ZNF385D: variants seen among roughly 807,000 people sequenced by gnomAD.
ZNF385D encodes zinc finger protein 659.
ZNF385D carries 15 observed loss-of-function variants against 35.8 expected under a neutral mutation model. That is an observed-to-expected ratio of 0.42 (90% CI 0.28 to 0.64). ZNF385D has a LOEUF of 0.64. ZNF385D is among the 30% of genes least tolerant of loss of function. The pLI is 0.23. For synonymous variants in ZNF385D, 212 were observed against 186.8 expected (o/e 1.13, Z -1.10); for missense variants, 474 against 494.6 (o/e 0.96, Z 0.39).
At chr3:21,458,215 G>A (rs996989569) in intron 4 of ZNF385D, among the ~76,000 whole-genome samples, 8 of 151,374 alleles carry the variant, frequency 5.3e-5, no homozygotes, top group East Asian at 2.0e-4. Flanking sequence ...GCTCATACCT[G>A]TAATCCTAGC....
intron 2 of ZNF385D, among the ~76,000 whole-genome samples, chr3:21,600,164 A>T (rs1417837276): frequency 1.3e-5 from 2 of 152,210 alleles, no homozygotes; most frequent in African/African-American, 4.8e-5. Context: ...TGTTTAGCAT[A>T]ATAAAGAAAT....
At chr3:21,474,119 T>A (rs13095133) in intron 4 of ZNF385D, among the ~76,000 whole-genome samples, 1 of 1,080 alleles carries the variant, frequency 9.3e-4, no homozygotes, top group Non-Finnish European at 1.4e-3. Context: ...TGGAACAAAT[T>A]TTTTTTTAAT....
chr3:22,040,095 T>C (rs1028335218), intron 3 of ZNF385D, among the ~76,000 whole-genome samples: 1 of 152,170 alleles, frequency 6.6e-6, no homozygotes, highest in African/African-American at 2.4e-5. Flanking sequence ...AACTCTCCTC[T>C]TCTTGAGTTT....
At chr3:21,757,693 T>C (rs1011411777) in intron 3 of ZNF385D, among the ~76,000 whole-genome samples, 1 of 152,214 alleles carries the variant, frequency 6.6e-6, no homozygotes, top group African/African-American at 2.4e-5. Flanking sequence ...TAGAATTCTT[T>C]ATATTTCAAC....
At chr3:22,256,143 G>A (rs1248165697) in intron 2 of ZNF385D, among the ~76,000 whole-genome samples, 1 of 151,166 alleles carries the variant, frequency 6.6e-6, no homozygotes, top group Admixed American at 6.6e-5. Flanking sequence ...AACTTAGACT[G>A]GCTCTCCTTG....
rs577360063 is a variant in ZNF385D, at chr3:21,565,876, ACTCT to A, written c.166-1196_166-1193del. On this transcript the variant is annotated intron_variant, in intron 2 of 7. Transcript: ENST00000281523. ...AAGTGCTCAGAATGTGTCAGAAATG[ACTCT>A]CTAATATTCACCTTCTGTGACATAT... 6.0e-3 allele frequency among the ~76,000 whole-genome samples: 907 copies of A among 152,266 alleles called. 9 individuals carry two copies. The highest frequency in any genetic ancestry group is 0.02 in the African/African-American group (849 of 41,562).
At chr3:22,353,864 T>G (rs1020907793) in intron 2 of ZNF385D, among the ~76,000 whole-genome samples, 13 of 152,108 alleles carry the variant, frequency 8.5e-5, no homozygotes, top group Non-Finnish European at 1.8e-4. Context: ...CTCCTATCTT[T>G]CTGGCTCACA....
chr3:21,789,485 G>A (rs1336486673), intron 3 of ZNF385D, among the ~76,000 whole-genome samples: 1 of 152,088 alleles, frequency 6.6e-6, no homozygotes, highest in East Asian at 1.9e-4. Flanking sequence ...ATGGGCATGT[G>A]TTCATTTGTT....
At chr3:21,438,263 C>T (rs1701674242) in intron 4 of ZNF385D, among the ~76,000 whole-genome samples, 1 of 152,140 alleles carries the variant, frequency 6.6e-6, no homozygotes, top group South Asian at 2.1e-4. Flanking sequence ...AACTTCCTCT[C>T]CAAAATATTC....
intron 3 of ZNF385D, among the ~76,000 whole-genome samples, chr3:21,980,922 A>G (rs1030280307): frequency 6.6e-6 from 1 of 152,128 alleles, no homozygotes; most frequent in Admixed American, 6.6e-5. Context: ...GTTGCATAGC[A>G]TTCCATGGTA....
Position 22,064,033 on chromosome 3 carries a change from T to C in ZNF385D, c.325+104784A>G, listed in dbSNP as rs904921383. On this transcript the variant is annotated intron_variant, in intron 3 of 5. Transcript: ENST00000494108. ...GAATTTGCTTCCCAAGGAATCCAAATTGTGACATTTTTTATTGTAGTGCAC... is the reference window on the plus strand; with the variant it reads ...GAATTTGCTTCCCAAGGAATCCAAACTGTGACATTTTTTATTGTAGTGCAC... Among the ~76,000 whole-genome samples, 9 of 152,310 alleles carry C rather than the reference T, an allele frequency of 5.9e-5. No individual in the cohort carries two copies. The East Asian group carries it at 7.7e-4, about 13-fold the overall frequency.
chr3:22,099,413 T>C (rs1028428020), intron 3 of ZNF385D, among the ~76,000 whole-genome samples: 4 of 152,098 alleles, frequency 2.6e-5, no homozygotes, highest in African/African-American at 9.6e-5. Flanking sequence ...GTTGTAATTA[T>C]TAGAACATTG....
In ZNF385D at chr3:21,993,089, A is replaced by G. The variant is rs17645191; in HGVS notation, c.325+175728T>C. On this transcript the variant is annotated intron_variant, in intron 3 of 5. Coordinates refer to the ZNF385D transcript ENST00000494108. ...GTTTTCTTATCAACATGCCAGATAC[A>G]TAACTCTCCTGTAGATTTAATTTGT... is the stretch of plus-strand genomic sequence containing the variant. Among the ~76,000 whole-genome samples the G allele has an allele frequency of 8.8e-3, 1,343 of 152,328 alleles. 6 individuals carry two copies. Among genetic ancestry groups the G allele is most frequent in the Non-Finnish European group, 0.015 (989 of 68,010 alleles).
At chr3:22,239,411 G>A (rs973634849) in intron 2 of ZNF385D, among the ~76,000 whole-genome samples, 2 of 150,838 alleles carry the variant, frequency 1.3e-5, no homozygotes, top group African/African-American at 2.5e-5. Flanking sequence ...AGTGTCCTAA[G>A]CCAAAATCTG....
chr3:21,999,969 G>A (rs114408845), intron 3 of ZNF385D, among the ~76,000 whole-genome samples: 2,515 of 152,130 alleles, frequency 0.017, 67 homozygotes, highest in African/African-American at 0.057. Flanking sequence ...CACACATCCA[G>A]ACACAAGAAG....
intron 3 of ZNF385D, among the ~76,000 whole-genome samples, chr3:22,144,947 C>T (rs779370312): frequency 6.6e-6 from 1 of 151,744 alleles, no homozygotes; most frequent in African/African-American, 2.4e-5. Context: ...GTAACACTTC[C>T]TTATTTAATA....
intron 3 of ZNF385D, among the ~76,000 whole-genome samples, chr3:21,889,856 AAG>A (rs963234325): frequency 2.6e-5 from 4 of 152,140 alleles, no homozygotes; most frequent in African/African-American, 9.7e-5. Flanking sequence ...GGTGCCACAG[AAG>A]AGTCTGTTCC....
At chr3:21,956,024 A>C (rs981052429) in intron 3 of ZNF385D, among the ~76,000 whole-genome samples, 1 of 152,008 alleles carries the variant, frequency 6.6e-6, no homozygotes, top group Non-Finnish European at 1.5e-5. Flanking sequence ...TGTCTCTCTA[A>C]AAAAGAAAAA....
intron 1 of ZNF385D, among the ~76,000 whole-genome samples, chr3:21,708,968 G>T (rs2068004154): frequency 6.6e-6 from 1 of 152,014 alleles, no homozygotes; most frequent in Non-Finnish European, 1.5e-5. Context: ...AAAGGCAAAG[G>T]TTTGTTTCGA....
Sources: allele counts gnomAD v4.1 joint callset (sites outside exome capture counted in the v4.1 genomes callset), GRCh38; gene constraint gnomAD v4.1.1; transcripts MANE v1.5; gene names NCBI Gene and HGNC (gene_info 2026-07-23, HGNC 2026-07-21).